PCLO: variants seen among roughly 807,000 people sequenced by gnomAD.
The protein encoded by PCLO is protein piccolo.
PCLO carries 82 observed loss-of-function variants against 427.5 expected under a neutral mutation model. The ratio of observed to expected loss-of-function variants is 0.19; its 90% CI spans 0.16 to 0.23. The LOEUF (loss-of-function observed/expected upper bound fraction) is 0.23. PCLO is among the 10% of genes least tolerant of loss of function. PCLO has a pLI of 1.00. For synonymous variants in PCLO, 2,357 were observed against 2,155.4 expected (o/e 1.09, Z -2.59); for missense variants, 6,239 against 6,115.9 (o/e 1.02, Z -0.67).
At position 82,756,434 on chromosome 7, in the gene PCLO, A is replaced by ACATTTATTGT. The variant is rs1790319616; in HGVS notation, c.*2140_*2141insACAATAAATG. 1 of 152,056 alleles carries ACATTTATTGT rather than the reference A, an allele frequency of 6.6e-6. No homozygotes were observed. Among genetic ancestry groups the ACATTTATTGT allele is most frequent in the African/African-American group, 2.4e-5 (1 of 41,410 alleles). The allele number at this position is 152,056 out of a possible 1,614,324, so 9.4% of individuals were successfully genotyped here. A position where few individuals can be genotyped will look rare whatever the true frequency, so the allele number is the denominator to read the frequency against. On this transcript the variant is annotated 3_prime_UTR_variant, in exon 25 of 25. Coordinates refer to ENST00000333891, the MANE Select transcript of PCLO (RefSeq NM_033026.6). ...CTCATTTGAGAGCAATGTCAATGGT[A>ACATTTATTGT]AATGACATTGTATTGTCAGTGGAGG...
At chr7:82,771,088 T>C (rs1383460511) in intron 22 of PCLO, among the ~76,000 whole-genome samples, 1 of 151,928 alleles carries the variant, frequency 6.6e-6, no homozygotes, top group Middle Eastern at 3.2e-3. Context: ...TTTTATTCTA[T>C]AGTAGGTTAG....
At chr7:83,085,311 A>G (rs1790203327) in intron 3 of PCLO, among the ~76,000 whole-genome samples, 1 of 152,126 alleles carries the variant, frequency 6.6e-6, no homozygotes, top group Non-Finnish European at 1.5e-5. Context: ...CTATGCACCA[A>G]CTGTTGTGCT....
chr7:82,800,483 T>C (rs988225370), intron 22 of PCLO, among the ~76,000 whole-genome samples: 14 of 152,176 alleles, frequency 9.2e-5, no homozygotes, highest in African/African-American at 2.9e-4. Context: ...TAGGTAATTG[T>C]AAGAATTAAA....
chr7:83,102,970 T>G (rs1163611183), intron 3 of PCLO, among the ~76,000 whole-genome samples: 1 of 124,604 alleles, frequency 8.0e-6, no homozygotes, highest in African/African-American at 3.0e-5. Flanking sequence ...ATTTATTAAT[T>G]TGTATACCAA....
chr7:82,813,349 A>C (rs1043637024), intron 20 of PCLO, among the ~76,000 whole-genome samples: 6 of 151,728 alleles, frequency 4.0e-5, no homozygotes, highest in Non-Finnish European at 7.4e-5. Context: ...ATCCTTAAAA[A>C]ATACTTTCTG....
rs752998091 is a variant in PCLO at position 82,824,218 on chromosome 7, TA to T, written c.14596+17del. 9.0e-6 allele frequency: 14 copies of T among 1,559,566 alleles called. No individual in the cohort carries two copies. The highest frequency in any genetic ancestry group is 4.1e-5 in the African/African-American group (3 of 73,064). On this transcript the variant is annotated intron_variant, in intron 19 of 24. Transcript: ENST00000333891. ...AAATAGACACAAAACTTTTTCTACT[TA>T]AAAAAATATTTCCTACCCTTTGATG...
chr7:82,949,660 T>G lies in PCLO; in HGVS notation c.10928A>C (p.Tyr3643Ser). Residue 3643 changes from tyrosine (Y) to serine (S), a missense_variant, in exon 6 of 25, where the codon TAT (tyrosine) becomes TCT (serine). Around this residue, in one of 5 missense-constraint regions of PCLO, gnomAD observed 4,677 missense variants for 4,468.4 expected, o/e 1.05. Coordinates refer to ENST00000333891, the MANE Select transcript of PCLO (RefSeq NM_033026.6). ...GKALESAFVPYEKPLPDDISP... is the reference protein window; with the variant it reads ...GKALESAFVPSEKPLPDDISP... ...TATATCATCAGGGAGGGGTTTTTCA[T>G]AAGGTACAAAGGCTGATTCTAAGGC... 6.2e-7 allele frequency: 1 copy of G among 1,613,804 alleles called. No individual in the cohort carries two copies. The highest frequency in any genetic ancestry group is 8.5e-7 in the Non-Finnish European group (1 of 1,179,834).
rs539791417 is a variant in PCLO, at chr7:82,771,906, C to A, written c.15008-10413G>T. Among the ~76,000 whole-genome samples, 18 of 152,166 alleles carry A rather than the reference C, an allele frequency of 1.2e-4. No individual in the cohort carries two copies. The South Asian group carries it at 3.5e-3, about 30-fold the overall frequency. On this transcript the variant is annotated intron_variant, in intron 22 of 24. Coordinates refer to ENST00000333891, the MANE Select transcript of PCLO (RefSeq NM_033026.6). ...TCAAGATAGGGAATAAATGCTTACC[C>A]ATTTCCTTTCCAAAACATTAGCTTA...
chr7:83,065,396 T>A (rs917029640), intron 3 of PCLO, among the ~76,000 whole-genome samples: 1 of 151,446 alleles, frequency 6.6e-6, no homozygotes, highest in African/African-American at 2.4e-5. Flanking sequence ...AAGTTCCCAA[T>A]ATTCTAAGTA....
intron 6 of PCLO, among the ~76,000 whole-genome samples, chr7:82,935,218 A>T (rs984302590): frequency 2.7e-5 from 4 of 147,552 alleles, no homozygotes; most frequent in African/African-American, 1.0e-4. Flanking sequence ...AAAAAAAAAA[A>T]AAATTAGGAT....
At chr7:83,032,406 C>T (rs1788692245) in intron 3 of PCLO, among the ~76,000 whole-genome samples, 1 of 148,694 alleles carries the variant, frequency 6.7e-6, no homozygotes, top group South Asian at 2.1e-4. Flanking sequence ...CACTCCCTCC[C>T]TCCCTCCTTC....
intron 9 of PCLO, among the ~76,000 whole-genome samples, chr7:82,882,369 T>A (rs1793528961): frequency 6.6e-6 from 1 of 152,156 alleles, no homozygotes; most frequent in Non-Finnish European, 1.5e-5. Flanking sequence ...TTTCAACTTT[T>A]GACAAATTTT....
At chr7:82,826,777 T>A (rs1791956427) in intron 17 of PCLO, 117 bp from the exon 18 acceptor site, 1 of 502,824 alleles carries the variant, frequency 2.0e-6, no homozygotes, top group Admixed American at 3.7e-5. Context: ...TATGTGAAAA[T>A]ACTTAAAATT....
intron 6 of PCLO, among the ~76,000 whole-genome samples, chr7:82,933,995 C>A (rs1408033550): frequency 1.4e-5 from 2 of 140,684 alleles, no homozygotes; most frequent in African/African-American, 4.9e-5. Flanking sequence ...ATGTTTACCT[C>A]ACTTGCCAAT....
At chr7:82,776,531 A>G (rs1245743213) in intron 22 of PCLO, among the ~76,000 whole-genome samples, 1 of 152,232 alleles carries the variant, frequency 6.6e-6, no homozygotes, top group Non-Finnish European at 1.5e-5. Context: ...ATGGTGACTC[A>G]TGCCTGTAAT....
chr7:82,966,636 GTAATT>G (rs1263836348), intron 3 of PCLO, 149 bp from the exon 4 acceptor site: 3 of 468,664 alleles, frequency 6.4e-6, no homozygotes, highest in African/African-American at 6.0e-5. Context: ...CAATGACGCA[GTAATT>G]TTTTAAAACA....
intron 21 of PCLO, 104 bp downstream of exon 21, chr7:82,805,584 G>T: frequency 9.6e-7 from 1 of 1,040,880 alleles, no homozygotes. Context: ...CAGGGACAAT[G>T]ACTCAGAATT....
chr7:83,149,990 A>AC (rs1317027258), intron 2 of PCLO, among the ~76,000 whole-genome samples: 2 of 152,170 alleles, frequency 1.3e-5, no homozygotes, highest in African/African-American at 4.8e-5. Flanking sequence ...TGCCATAATG[A>AC]CTAAAAAAAA....
intron 10 of PCLO, among the ~76,000 whole-genome samples, chr7:82,874,103 G>C (rs546742211): frequency 6.6e-6 from 1 of 151,706 alleles, no homozygotes; most frequent in Non-Finnish European, 1.5e-5. Context: ...CGCACATATC[G>C]TTTTATTTGC....
Sources: gnomAD v4.1 joint callset for allele counts (sites outside exome capture counted in the v4.1 genomes callset) on GRCh38, gnomAD v4.1.1 for gene constraint, gnomAD v4.1.1 regional missense constraint, MANE v1.5 for transcripts, NCBI Gene and HGNC (gene_info 2026-07-23, HGNC 2026-07-21) for gene names.